The following CFH variants were observed in gnomAD, a reference collection of about 807,000 sequenced individuals.
The protein encoded by CFH is complement factor H, also known as H factor 1 (complement).
Under a neutral mutation model 147.3 loss-of-function variants are expected in CFH, and 53 were observed. The observed-to-expected ratio is 0.36, with a 90% CI of 0.29 to 0.45. The LOEUF is 0.45. Ranked by LOEUF, CFH falls within the 20% of genes least tolerant of loss-of-function variation. The pLI is 1.00. For missense variants in CFH, 1,380 were observed against 1,498.0 expected, an observed-to-expected ratio of 0.92 and a Z score of 1.30; for synonymous variants, 536 against 489.4, an observed-to-expected ratio of 1.10 and a Z score of -1.26.
intron 11 of CFH, among the ~76,000 whole-genome samples, chr1:196,716,922 A>T (rs1388400403): frequency 6.6e-6 from 1 of 152,068 alleles, no homozygotes; most frequent in African/African-American, 2.4e-5. Context: ...TAGAGAGGAG[A>T]TATGCATTTC....
chr1:196,733,144 T>C (rs183294916), intron 15 of CFH, among the ~76,000 whole-genome samples: 5 of 152,118 alleles, frequency 3.3e-5, no homozygotes, highest in South Asian at 2.1e-4. Flanking sequence ...GAATTTATCA[T>C]TGGGGCGAGA....
Position 196,725,240 on chromosome 1 carries a change from C to G in CFH, c.1816C>G (p.Pro606Ala). The G allele has an allele frequency of 6.2e-7, 1 of 1,613,932 alleles. No homozygotes were observed. The highest frequency in any genetic ancestry group is 8.5e-7 in the Non-Finnish European group (1 of 1,179,894). The part of the protein sequence containing the change: ...SCKPGFTIVG[P>A]NSVQCYHFGL... Reference sequence around the variant, plus strand: ...CAAACCAGGATTTACAATAGTTGGACCTAATTCCGTTCAGTGCTACCACTT... The same window carrying G: ...CAAACCAGGATTTACAATAGTTGGAGCTAATTCCGTTCAGTGCTACCACTT... Residue 606 changes from proline (P) to alanine (A), a missense_variant, in exon 12 of 22, where the codon CCT becomes GCT. Physicochemically the swap from Pro to Ala is conservative, Grantham distance 27. Coordinates refer to ENST00000367429, the MANE Select transcript of CFH (RefSeq NM_000186.4).
intron 9 of CFH, among the ~76,000 whole-genome samples, chr1:196,698,576 GT>G (rs1437134357): frequency 3.3e-5 from 5 of 152,170 alleles, no homozygotes; most frequent in Non-Finnish European, 5.9e-5. Flanking sequence ...AATTGTGGTA[GT>G]AATTAATAGC....
At chr1:196,678,406 C>G (rs749039756) in intron 5 of CFH, 7 of 151,760 alleles carry the variant, frequency 4.6e-5, no homozygotes, top group Non-Finnish European at 1.0e-4. Context: ...GTTCATTTTA[C>G]CAATAATTGT....
At chr1:196,692,489 A>G (rs1668062009) in intron 9 of CFH, 2 of 221,264 alleles carry the variant, frequency 9.0e-6, no homozygotes, top group Non-Finnish European at 1.5e-5. Flanking sequence ...TGTAGAATCA[A>G]CTACTTATTT....
At chr1:196,722,407 T>C (rs2149106813) in intron 11 of CFH, among the ~76,000 whole-genome samples, 1 of 152,252 alleles carries the variant, frequency 6.6e-6, no homozygotes, top group South Asian at 2.1e-4. Flanking sequence ...ACCCTGAAAA[T>C]AGGACACCAA....
At position 196,666,642 on chromosome 1, in the gene CFH, C is replaced by CA. The variant is rs202115835; in HGVS notation, c.59-6334dup. Among the ~76,000 whole-genome samples, 719 of 114,372 alleles carry CA rather than the reference C, an allele frequency of 6.3e-3. 6 individuals carry two copies. The highest frequency in any genetic ancestry group is 0.043 in the East Asian group (166 of 3,834). 75.0% of individuals were successfully genotyped at this position (114,372 alleles called of 152,430 possible). A position where few individuals can be genotyped will look rare whatever the true frequency, so the allele number is the denominator to read the frequency against. ...TGAAACACCGTTTCTACTAAAAATA[C>CA]AAGAAAAAAAAACCCAAAAAATAGC... On this transcript the variant is annotated intron_variant, in intron 1 of 21. Coordinates refer to ENST00000367429, the MANE Select transcript of CFH (RefSeq NM_000186.4).
chr1:196,703,848 G>C (rs573285346), intron 9 of CFH, among the ~76,000 whole-genome samples: 5 of 151,798 alleles, frequency 3.3e-5, no homozygotes, highest in Non-Finnish European at 5.9e-5. Flanking sequence ...GTCGGGCATG[G>C]TGGTGGGCAC....
intron 1 of CFH, among the ~76,000 whole-genome samples, chr1:196,672,641 CA>C (rs1162894330): frequency 2.0e-5 from 3 of 151,920 alleles, no homozygotes; most frequent in African/African-American, 7.3e-5. Flanking sequence ...AAATATTTCC[CA>C]AATTAATGGA....
intron 7 of CFH, 85 bp downstream of exon 7, chr1:196,685,322 A>G: frequency 7.4e-7 from 1 of 1,348,930 alleles, no homozygotes; most frequent in Non-Finnish European, 1.1e-6. Context: ...ATAAAACCAA[A>G]TATTTGTCTT....
intron 9 of CFH, among the ~76,000 whole-genome samples, chr1:196,700,460 G>T (rs2149095889): frequency 6.6e-6 from 1 of 151,852 alleles, no homozygotes; most frequent in Middle Eastern, 3.4e-3. Flanking sequence ...TCGAGACCAG[G>T]CTGGCCAACA....
chr1:196,700,359 A>C (rs754911632), intron 9 of CFH, among the ~76,000 whole-genome samples: 1 of 152,264 alleles, frequency 6.6e-6, no homozygotes, highest in East Asian at 1.9e-4. Context: ...TCTTATAAAA[A>C]TTCATGGCAA....
intron 14 of CFH, 43 bp downstream of exon 14, chr1:196,726,983 A>T (rs772142153): frequency 6.4e-7 from 1 of 1,554,140 alleles, no homozygotes; most frequent in South Asian, 1.1e-5. Flanking sequence ...AAAGTTTAAT[A>T]TTTTTATTGT....
At position 196,741,947 on chromosome 1, in the gene CFH, C is replaced by G; in HGVS notation, c.3029C>G (p.Ala1010Gly). 6.2e-7 allele frequency: 1 copy of G among 1,614,066 alleles called. No homozygotes were observed. The highest frequency in any genetic ancestry group is 8.5e-7 in the Non-Finnish European group (1 of 1,179,956). ...GGAGAGAAGAAGGATGTGTATAAGG[C>G]GGGTGAGCAAGTGACTTACACTTGT... ...PMGEKKDVYK[A>G]GEQVTYTCAT... The change falls in exon 19 of 22, where the codon GCG becomes GGG. Residue 1010 changes from alanine (A) to glycine (G), a missense_variant. Physicochemically the swap from Ala to Gly is moderately conservative, Grantham distance 60 (BLOSUM62 0). Coordinates refer to ENST00000367429, the MANE Select transcript of CFH (RefSeq NM_000186.4).
At position 196,692,881 on chromosome 1, in the gene CFH, C is replaced by CCTACCTACCTACCTTCCTT. The variant is rs1553275284; in HGVS notation, c.1336+2643_1336+2644insTACCTACCTACCTTCCTTC. 7.0e-5 allele frequency among the ~76,000 whole-genome samples: 4 copies of CCTACCTACCTACCTTCCTT among 57,348 alleles called. 1 individual carries two copies. The South Asian group carries it at 2.5e-3, about 36-fold the overall frequency. The allele number at this position is 57,348 out of a possible 152,430, so 37.6% of individuals were successfully genotyped here. ...CCTTCCCTCCCTCCCTCTGTCACCT[C>CCTACCTACCTACCTTCCTT]CCTCCCTCCCTCCCTCCCTCCCTTC... On this transcript the variant is annotated intron_variant, in intron 9 of 21. Transcript: ENST00000367429.
chr1:196,668,205 T>G (rs1350038794), intron 1 of CFH, among the ~76,000 whole-genome samples: 1 of 152,132 alleles, frequency 6.6e-6, no homozygotes, highest in Non-Finnish European at 1.5e-5. Context: ...TCAGTTTCCT[T>G]CAGCCCAGAG....
At chr1:196,708,613 G>GAA (rs11398897) in intron 9 of CFH, among the ~76,000 whole-genome samples, 2,225 of 151,964 alleles carry the variant, frequency 0.015, 59 homozygotes, top group African/African-American at 0.05. Context: ...TATTCCCCAT[G>GAA]AAAAAATCCA....
Position 196,706,690 on chromosome 1 carries a change from C to A in CFH, c.1337-7045C>A, listed in dbSNP as rs576996886. 2.0e-5 allele frequency among the ~76,000 whole-genome samples: 3 copies of A among 152,212 alleles called. No homozygotes were observed. The South Asian group carries it at 6.2e-4, about 32-fold the overall frequency. ...CCACACAGTATGGCAGGCATGCCAC[C>A]CTTCAATTGATCCAGGACTATGTCT... On this transcript the variant is annotated intron_variant, in intron 9 of 21. Coordinates refer to ENST00000367429, the MANE Select transcript of CFH (RefSeq NM_000186.4).
chr1:196,681,942 ACT>A (rs1667672580), intron 6 of CFH, among the ~76,000 whole-genome samples: 2 of 151,700 alleles, frequency 1.3e-5, no homozygotes, highest in Non-Finnish European at 3.0e-5. Flanking sequence ...GTAACTTCAA[ACT>A]CTCTTTGTTG....
Sources: gnomAD v4.1 joint callset for allele counts (sites outside exome capture counted in the v4.1 genomes callset) on GRCh38, gnomAD v4.1.1 for gene constraint, MANE v1.5 for transcripts, NCBI Gene and HGNC (gene_info 2026-07-23, HGNC 2026-07-21) for gene names.